Variants in SLIT3 observed in about 807,000 individuals in gnomAD.
SLIT3 encodes slit guidance ligand 3, also known as slit homolog 3 protein.
SLIT3 carries 68 observed loss-of-function variants against 184.0 expected under a neutral mutation model. The ratio of observed to expected loss-of-function variants is 0.37; its 90% CI spans 0.30 to 0.45. The LOEUF (loss-of-function observed/expected upper bound fraction) is 0.45. Ranked by LOEUF, SLIT3 falls within the 20% of genes least tolerant of loss-of-function variation. The probability of loss-of-function intolerance (pLI) is 1.00; values close to 1 mark genes in which losing one functional copy is unlikely to be tolerated. For missense variants in SLIT3, 1,707 were observed against 2,026.0 expected, an observed-to-expected ratio of 0.84 and a Z score of 3.02; for synonymous variants, 831 against 828.6, an observed-to-expected ratio of 1.00 and a Z score of -0.05.
intron 5 of SLIT3, among the ~76,000 whole-genome samples, chr5:168,868,300 T>C (rs7380333): frequency 0.26 from 39,506 of 152,068 alleles, 5,692 homozygotes; most frequent in African/African-American, 0.38. Flanking sequence ...ATTTGACTTA[T>C]TTATTTTTTG....
chr5:168,878,360 G>A (rs1759816583), intron 5 of SLIT3, among the ~76,000 whole-genome samples: 1 of 152,230 alleles, frequency 6.6e-6, no homozygotes, highest in Non-Finnish European at 1.5e-5. Context: ...CCTTCACTGA[G>A]AGCATCATGC....
At chr5:168,847,885 GC>G (rs1758532313) in intron 5 of SLIT3, among the ~76,000 whole-genome samples, 1 of 152,086 alleles carries the variant, frequency 6.6e-6, no homozygotes, top group Non-Finnish European at 1.5e-5. Flanking sequence ...CCTTTGAAAG[GC>G]CTCCTTCAAA....
intron 3 of SLIT3, among the ~76,000 whole-genome samples, chr5:169,220,057 C>T (rs1457291236): frequency 1.3e-5 from 2 of 152,062 alleles, no homozygotes; most frequent in Admixed American, 6.6e-5. Flanking sequence ...CTGTCCCAGC[C>T]CCCAGTTCTC....
At chr5:168,718,674 C>CCAGACACACACACA (rs1384443739) in intron 23 of SLIT3, among the ~76,000 whole-genome samples, 1 of 69,978 alleles carries the variant, frequency 1.4e-5, no homozygotes, top group Non-Finnish European at 3.0e-5. Flanking sequence ...TCATATCCAC[C>CCAGACACACACACA]CATACACACA....
intron 4 of SLIT3, among the ~76,000 whole-genome samples, chr5:169,148,675 G>A (rs1178163074): frequency 1.3e-5 from 2 of 152,170 alleles, no homozygotes; most frequent in African/African-American, 4.8e-5. Flanking sequence ...TCGGTTATGT[G>A]TTGTATAAAA....
chr5:169,036,217 A>G (rs999192708), intron 4 of SLIT3: 3 of 152,222 alleles, frequency 2.0e-5, no homozygotes, highest in Non-Finnish European at 2.9e-5. Context: ...AGAGGGAAGG[A>G]TGGTTTCCAG....
At chr5:168,755,447 T>TGCTTGCTTGCTTGC (rs1390549950) in intron 16 of SLIT3, among the ~76,000 whole-genome samples, 1 of 107,930 alleles carries the variant, frequency 9.3e-6, no homozygotes, top group South Asian at 3.4e-4. Context: ...CTTTCTTTCT[T>TGCTTGCTTGCTTGC]TTTGAGACAG....
At chr5:168,673,356 G>A (rs1181535436) in intron 32 of SLIT3, 25 bp from the exon 33 acceptor site, 7 of 1,612,394 alleles carry the variant, frequency 4.3e-6, no homozygotes, top group Non-Finnish European at 5.9e-6. Context: ...AGGGGAGAAA[G>A]CCGGAGAGTT....
intron 9 of SLIT3, among the ~76,000 whole-genome samples, chr5:168,803,481 G>T (rs1476294116): frequency 1.3e-5 from 2 of 152,226 alleles, no homozygotes; most frequent in African/African-American, 4.8e-5. Context: ...TTTCAGGTAT[G>T]GTCTGGCCTG....
At chr5:168,961,001 C>A (rs1211999772) in intron 4 of SLIT3, among the ~76,000 whole-genome samples, 2 of 152,186 alleles carry the variant, frequency 1.3e-5, no homozygotes, top group African/African-American at 4.8e-5. Flanking sequence ...TCTAACCAGC[C>A]ATTGACCTTT....
intron 20 of SLIT3, among the ~76,000 whole-genome samples, chr5:168,746,766 GGTGGTGT>G (rs1754460022): frequency 8.1e-6 from 1 of 123,254 alleles, no homozygotes; most frequent in African/African-American, 3.2e-5. Context: ...GGCGGTGTGT[GGTGGTGT>G]GTGGTGTGTG....
chr5:169,141,360 T>C (rs1282663123), intron 4 of SLIT3, among the ~76,000 whole-genome samples: 1 of 152,130 alleles, frequency 6.6e-6, no homozygotes, highest in East Asian at 1.9e-4. Flanking sequence ...TCCCCATCTT[T>C]GAAAAGGTTT....
At chr5:168,990,859 A>C (rs1755297544) in intron 4 of SLIT3, among the ~76,000 whole-genome samples, 1 of 152,180 alleles carries the variant, frequency 6.6e-6, no homozygotes, top group Admixed American at 6.5e-5. Flanking sequence ...TTGTCCTTGG[A>C]GAATGCCACA....
chr5:168,796,659 G>A (rs1756574889), intron 9 of SLIT3, among the ~76,000 whole-genome samples: 1 of 152,160 alleles, frequency 6.6e-6, no homozygotes, highest in Admixed American at 6.5e-5. Context: ...TACAGCTAGT[G>A]GATGCACATT....
chr5:169,035,206 T>C lies in SLIT3; in HGVS notation c.414-151870A>G, dbSNP rs1757191394. On this transcript the variant is annotated intron_variant, in intron 4 of 35. Transcript: ENST00000519560. Reference sequence around the variant, plus strand: ...AGACTGTAAGAGAAGAACCTGGCCATAGTGGAGACAATCACTGTTATGTTA... The same window carrying C: ...AGACTGTAAGAGAAGAACCTGGCCACAGTGGAGACAATCACTGTTATGTTA... 5.3e-5 allele frequency among the ~76,000 whole-genome samples: 8 copies of C among 152,224 alleles called. 1 individual carries two copies. The South Asian group carries it at 1.7e-3, about 32-fold the overall frequency.
At position 168,891,406 on chromosome 5, in the gene SLIT3, G is replaced by A. The variant is rs182982623; in HGVS notation, c.414-8070C>T. On this transcript the variant is annotated intron_variant, in intron 4 of 35. Transcript: ENST00000519560. ...ACACCCTCCCCTGGGAGCCAGAGAC[G>A]TGGCAGAAGAAAACCAAGCACTTTG... 4.6e-5 allele frequency among the ~76,000 whole-genome samples: 7 copies of A among 152,216 alleles called. No homozygotes were observed. In the South Asian group the frequency reaches 1.2e-3, roughly 27 times the overall value.
chr5:169,093,470 T>TG (rs1759664109), intron 4 of SLIT3, among the ~76,000 whole-genome samples: 1 of 82,886 alleles, frequency 1.2e-5, no homozygotes, highest in Non-Finnish European at 2.3e-5. Context: ...GGCAGGGGCT[T>TG]GGGGGTGGGG....
intron 1 of SLIT3, among the ~76,000 whole-genome samples, chr5:169,291,004 A>G (rs182084803): frequency 6.6e-6 from 1 of 152,296 alleles, no homozygotes; most frequent in East Asian, 1.9e-4. Flanking sequence ...GCAGACTTTC[A>G]GGAGCCACAG....
rs577714156 is a variant in SLIT3, at chr5:169,060,121, G to A, written c.413+133358C>T. Among the ~76,000 whole-genome samples the A allele has an allele frequency of 5.9e-5, 9 of 152,330 alleles. No individual in the cohort carries two copies. In the South Asian group the frequency reaches 1.7e-3, roughly 28 times the overall value. On this transcript the variant is annotated intron_variant, in intron 4 of 35. Coordinates refer to ENST00000519560, the MANE Select transcript of SLIT3 (RefSeq NM_003062.4). ...CTGTTTGAAATAGGCCACGCGCAGC[G>A]GCTCATGGCTGTAATCCCAGCCCTT... is the stretch of plus-strand genomic sequence containing the variant.
Sources: gnomAD v4.1 joint callset for allele counts (sites outside exome capture counted in the v4.1 genomes callset) on GRCh38, gnomAD v4.1.1 for gene constraint, MANE v1.5 for transcripts, NCBI Gene and HGNC (gene_info 2026-07-23, HGNC 2026-07-21) for gene names.